SLC2A9: variants seen among roughly 807,000 people sequenced by gnomAD.
SLC2A9 encodes solute carrier family 2 member 9.
In SLC2A9, 39 loss-of-function variants were observed where a neutral mutation model predicts 50.6. The ratio of observed to expected loss-of-function variants is 0.77; its 90% CI spans 0.60 to 1.01. The LOEUF (loss-of-function observed/expected upper bound fraction) is 1.01. SLC2A9 is among the 50% of genes least tolerant of loss of function. The pLI is 0.00. For missense variants in SLC2A9, 686 were observed against 677.6 expected (o/e 1.01, Z -0.14); for synonymous variants, 324 against 276.9 (o/e 1.17, Z -1.69).
chr4:9,973,878 A>G (rs191606967), intron 5 of SLC2A9, among the ~76,000 whole-genome samples: 1 of 152,144 alleles, frequency 6.6e-6, no homozygotes. Flanking sequence ...AAAAAACAGA[A>G]AACTAGAAAC....
intron 2 of SLC2A9, among the ~76,000 whole-genome samples, chr4:10,018,063 C>A (rs1762905372): frequency 6.6e-6 from 1 of 152,218 alleles, no homozygotes; most frequent in African/African-American, 2.4e-5. Context: ...CCAAAGCCAG[C>A]ACCCACAGGA....
At position 9,826,437 on chromosome 4, in the gene SLC2A9, T is replaced by A; in HGVS notation, c.1583A>T (p.Asp528Val). The change falls in exon 12 of 12, where the codon GAC becomes GTC. Residue 528 changes from aspartate (D) to valine (V), a missense_variant. By Grantham distance (152) the Asp-to-Val change is radical. Coordinates refer to ENST00000264784, the MANE Select transcript of SLC2A9 (RefSeq NM_020041.3). ...NKAYPPEEKI[D>V]SAVTDGKING... The stretch of plus-strand genomic sequence containing the variant: ...TATCTTACCATCAGTGACAGCTGAG[T>A]CGATTTTCTCTTCTGGTGGGTATGC... The A allele has an allele frequency of 1.2e-6, 2 of 1,614,092 alleles. No homozygotes were observed. The highest frequency in any genetic ancestry group is 1.7e-6 in the Non-Finnish European group (2 of 1,179,962).
intron 3 of SLC2A9, among the ~76,000 whole-genome samples, chr4:9,810,837 G>C (rs1299660011): frequency 2.0e-5 from 3 of 152,250 alleles, no homozygotes; most frequent in Non-Finnish European, 4.4e-5. Context: ...CATCCTGGAA[G>C]GGCCAGTGGG....
chr4:9,804,892 G>GCT (rs1416032704), intron 3 of SLC2A9, among the ~76,000 whole-genome samples: 10 of 152,128 alleles, frequency 6.6e-5, no homozygotes, highest in African/African-American at 2.4e-4. Flanking sequence ...GTAGTTGGAA[G>GCT]AGCTGAGAGG....
At chr4:9,946,457 C>T (rs938098184) in intron 5 of SLC2A9, among the ~76,000 whole-genome samples, 3 of 152,166 alleles carry the variant, frequency 2.0e-5, no homozygotes, top group African/African-American at 7.2e-5. Flanking sequence ...TCATGGCCCC[C>T]AGACAAGGGA....
chr4:9,961,803 A>G (rs1164094288), intron 5 of SLC2A9, among the ~76,000 whole-genome samples: 1 of 152,240 alleles, frequency 6.6e-6, no homozygotes, highest in Non-Finnish European at 1.5e-5. Flanking sequence ...AATTTTTACA[A>G]TCTATCCATC....
At chr4:9,873,014 T>C (rs1431237228) in intron 10 of SLC2A9, among the ~76,000 whole-genome samples, 1 of 152,242 alleles carries the variant, frequency 6.6e-6, no homozygotes, top group East Asian at 1.9e-4. Context: ...CCATAATATG[T>C]TGAGACTGCT....
intron 10 of SLC2A9, among the ~76,000 whole-genome samples, chr4:9,842,539 G>A (rs981165991): frequency 7.2e-5 from 11 of 152,130 alleles, no homozygotes; most frequent in Non-Finnish European, 1.5e-4. Flanking sequence ...AGAGGGCCTT[G>A]CCCAGTTACT....
intron 11 of SLC2A9, among the ~76,000 whole-genome samples, chr4:9,826,816 T>G (rs1236625822): frequency 1.3e-5 from 2 of 152,210 alleles, no homozygotes; most frequent in East Asian, 3.8e-4. Flanking sequence ...CTGGGAAAGA[T>G]GAGAAAATGG....
At chr4:9,810,688 G>A (rs1722761220) in intron 3 of SLC2A9, among the ~76,000 whole-genome samples, 1 of 152,234 alleles carries the variant, frequency 6.6e-6, no homozygotes, top group South Asian at 2.1e-4. Context: ...GCTGCTGAGG[G>A]ATTATGGAAT....
intron 11 of SLC2A9, 133 bp from the exon 12 acceptor site, chr4:9,826,733 G>A: frequency 1.2e-6 from 1 of 830,790 alleles, no homozygotes; most frequent in African/African-American, 1.7e-5. Flanking sequence ...CATGTGTGAT[G>A]CTGGCTCAAT....
intron 10 of SLC2A9, among the ~76,000 whole-genome samples, chr4:9,870,898 G>A (rs1733322495): frequency 6.6e-6 from 1 of 152,124 alleles, no homozygotes; most frequent in South Asian, 2.1e-4. Flanking sequence ...ATCTAGCGCT[G>A]ACCAAGTGCT....
intron 8 of SLC2A9, among the ~76,000 whole-genome samples, chr4:9,897,155 G>A (rs1030195567): frequency 3.9e-5 from 6 of 152,162 alleles, no homozygotes; most frequent in African/African-American, 1.4e-4. Context: ...CCAGAGTCTT[G>A]CTCTTAACCT....
downstream of SLC2A9, among the ~76,000 whole-genome samples, chr4:9,775,612 TAA>T (rs1717447656): frequency 6.6e-6 from 1 of 151,954 alleles, no homozygotes; most frequent in African/African-American, 2.4e-5. Context: ...TCTGGTTATT[TAA>T]AAGTGTGTGG....
upstream of SLC2A9, among the ~76,000 whole-genome samples, chr4:10,024,605 G>A (rs141482133): frequency 6.6e-6 from 1 of 152,288 alleles, no homozygotes; most frequent in African/African-American, 2.4e-5. Flanking sequence ...TGTTTAAGCT[G>A]CCCAGTCTAT....
chr4:9,920,564 T>C lies in SLC2A9; in HGVS notation c.823A>G (p.Thr275Ala). ...NEARAVKAFQ[T>A]FLGKADVSQE... ...GAAACGTCTGCTTTACCCAAGAACG[T>C]TTGGAAGGCTGCAAACAGAGGCACA... Residue 275 changes from threonine to alanine, a missense_variant, in exon 7 of 12, where the codon ACG becomes GCG. Transcript: ENST00000264784. 3.1e-6 allele frequency: 5 copies of C among 1,614,034 alleles called. No homozygotes were observed. The highest frequency in any genetic ancestry group is 4.2e-6 in the Non-Finnish European group (5 of 1,180,014).
In SLC2A9 at chr4:10,013,222, T is replaced by C. The variant is rs559084298; in HGVS notation, c.249+5753A>G. On this transcript the variant is annotated intron_variant, in intron 2 of 11. Coordinates refer to ENST00000264784, the MANE Select transcript of SLC2A9 (RefSeq NM_020041.3). ...GGGGGAAGAAAGGACTGAAGATCTT[T>C]CTTCAGTGCTGCCATAACCAGGGAT... Among the ~76,000 whole-genome samples the C allele has an allele frequency of 6.6e-5, 10 of 152,292 alleles. No individual in the cohort carries two copies. In the South Asian group the frequency reaches 2.1e-3, roughly 32 times the overall value.
At chr4:9,908,572 C>T (rs945313726) in intron 7 of SLC2A9, among the ~76,000 whole-genome samples, 65 of 150,040 alleles carry the variant, frequency 4.3e-4, no homozygotes, top group African/African-American at 1.6e-3. Context: ...TTTTATTATA[C>T]TTTAAGTTCT....
At chr4:10,010,886 T>C (rs1202973593) in intron 2 of SLC2A9, among the ~76,000 whole-genome samples, 1 of 152,212 alleles carries the variant, frequency 6.6e-6, no homozygotes, top group African/African-American at 2.4e-5. Flanking sequence ...TTTGGTCCTT[T>C]TTTCTTGGCG....
Sources: gnomAD v4.1 joint callset for allele counts (sites outside exome capture counted in the v4.1 genomes callset) on GRCh38, gnomAD v4.1.1 for gene constraint, MANE v1.5 for transcripts, NCBI Gene and HGNC (gene_info 2026-07-23, HGNC 2026-07-21) for gene names.